The following MAP4K5 variants were observed in gnomAD, a reference collection of about 807,000 sequenced individuals.
MAP4K5 encodes the protein MAPK/ERK kinase kinase kinase 5.
Under a neutral mutation model 135.6 loss-of-function variants are expected in MAP4K5, and 82 were observed. That is an observed-to-expected ratio of 0.60 (90% CI 0.51 to 0.73). The LOEUF is 0.73. Ranked by LOEUF, MAP4K5 falls within the 30% of genes least tolerant of loss-of-function variation. The pLI, the probability that MAP4K5 is intolerant of heterozygous loss-of-function variation, is 0.00. For missense variants in MAP4K5, 907 were observed against 1,010.9 expected, an observed-to-expected ratio of 0.90 and a Z score of 1.39; for synonymous variants, 347 against 335.0, an observed-to-expected ratio of 1.04 and a Z score of -0.39.
chr14:50,554,996 T>G (rs1430112387), intron 1 of MAP4K5, among the ~76,000 whole-genome samples: 2 of 152,226 alleles, frequency 1.3e-5, no homozygotes, highest in Non-Finnish European at 2.9e-5. Context: ...TCGTTTAGTA[T>G]TAGACCCCAA....
intron 6 of MAP4K5, among the ~76,000 whole-genome samples, chr14:50,476,650 C>T (rs573768910): frequency 3.9e-4 from 59 of 152,168 alleles, no homozygotes; most frequent in African/African-American, 1.2e-3. Flanking sequence ...TTAGTAGAGA[C>T]GGGGTTTCAC....
chr14:50,429,612 T>C (rs1461836640), intron 28 of MAP4K5, among the ~76,000 whole-genome samples: 1 of 152,194 alleles, frequency 6.6e-6, no homozygotes, highest in East Asian at 1.9e-4. Flanking sequence ...CTGCATTTTA[T>C]ATAGCCAATG....
rs368003821 is a variant in MAP4K5, at chr14:50,523,453, G to A, written c.108+8489C>T. On this transcript the variant is annotated intron_variant, in intron 2 of 32. Transcript: ENST00000682126. ...GAATTCAGCTACAGACACAGGTTCCGGTGACTCAATAAGAAAGAGATTTAA... is the reference window on the plus strand; with the variant it reads ...GAATTCAGCTACAGACACAGGTTCCAGTGACTCAATAAGAAAGAGATTTAA... Among the ~76,000 whole-genome samples, 3 of 152,216 alleles carry A rather than the reference G, an allele frequency of 2.0e-5. No homozygotes were observed. In the East Asian group the frequency reaches 5.8e-4, roughly 29 times the overall value.
In MAP4K5 at chr14:50,425,984, A is replaced by G. The variant is rs1595416015; in HGVS notation, c.2327-7T>C. Reference sequence around the variant, plus strand: ...ACACTGTCTTGAAGGCATACTAAAAATGATAAGGGAGAAGTGAAACTAATA... The same window carrying G: ...ACACTGTCTTGAAGGCATACTAAAAGTGATAAGGGAGAAGTGAAACTAATA... On this transcript the variant is annotated splice_region_variant and splice_polypyrimidine_tract_variant and intron_variant, in intron 30 of 32. Coordinates refer to ENST00000682126, the MANE Select transcript of MAP4K5 (RefSeq NM_006575.6). 1.3e-6 allele frequency: 2 copies of G among 1,576,798 alleles called. No homozygotes were observed. The highest frequency in any genetic ancestry group is 4.5e-5 in the East Asian group (2 of 44,702).
intron 13 of MAP4K5, among the ~76,000 whole-genome samples, chr14:50,457,712 T>C (rs76948688): frequency 9.9e-5 from 15 of 152,256 alleles, no homozygotes; most frequent in Non-Finnish European, 2.2e-4. Flanking sequence ...TTCCTCTATA[T>C]TACAAATCTC....
intron 9 of MAP4K5, among the ~76,000 whole-genome samples, chr14:50,473,307 T>G (rs1018677797): frequency 6.6e-6 from 1 of 152,154 alleles, no homozygotes. Flanking sequence ...ACCTTTCTTT[T>G]TTATGGAAAA....
At chr14:50,470,887 T>G (rs1392300385) in intron 9 of MAP4K5, among the ~76,000 whole-genome samples, 2 of 152,202 alleles carry the variant, frequency 1.3e-5, no homozygotes, top group Non-Finnish European at 2.9e-5. Context: ...TGTATGCCTC[T>G]CTAATAAATT....
Position 50,429,235 on chromosome 14 carries a change from A to G in MAP4K5, c.2190T>C (p.His730=), listed in dbSNP as rs2035917907. ...GAGSQQLDSI[H]VTQLERDTVL... ...CGGTATCTCTCTCCAACTGTGTTAC[A>G]TGAATGGAATCTAACTGCTGGCTGC... The change falls in exon 29 of 33, where the codon CAT becomes CAC. Residue 730 remains histidine, a synonymous_variant. Coordinates refer to ENST00000682126, the MANE Select transcript of MAP4K5 (RefSeq NM_006575.6). 11 of 1,564,306 alleles carry G rather than the reference A, an allele frequency of 7.0e-6. No individual in the cohort carries two copies. Among genetic ancestry groups the G allele is most frequent in the African/African-American group, 1.4e-5 (1 of 73,744 alleles).
In MAP4K5 at chr14:50,437,982, T is replaced by C; in HGVS notation, c.1735A>G (p.Asn579Asp). The C allele has an allele frequency of 6.2e-7, 1 of 1,609,694 alleles. No individual in the cohort carries two copies. The highest frequency in any genetic ancestry group is 8.5e-7 in the Non-Finnish European group (1 of 1,176,320). The change falls in exon 25 of 33, where the codon AAT (asparagine) becomes GAT (aspartate). Residue 579 changes from asparagine to aspartate, a missense_variant. Asn to Asp is a conservative substitution (Grantham distance 23). Transcript: ENST00000682126. ...GCATGTTCAAACAAAGCTATAAGAT[T>C]GTGAGAGTAGAGCTGAAAGGTTTTT... ...EGKTFQLYSHNLIALFEHAKK... is the reference protein window; with the variant it reads ...EGKTFQLYSHDLIALFEHAKK...
chr14:50,475,231 T>C, intron 8 of MAP4K5, 82 bp from the exon 9 acceptor site: 1 of 960,988 alleles, frequency 1.0e-6, no homozygotes. Flanking sequence ...GGCATGGCAG[T>C]ATTAATAATT....
intron 5 of MAP4K5, 76 bp downstream of exon 5, chr14:50,485,502 G>A (rs1219680294): frequency 5.6e-6 from 5 of 900,824 alleles, no homozygotes; most frequent in South Asian, 3.1e-5. Context: ...GTTAATTTCC[G>A]TGGTTAACTG....
At chr14:50,492,319 TGCAGAGGCTCAC>T (rs1352667642) in intron 3 of MAP4K5, among the ~76,000 whole-genome samples, 1 of 152,048 alleles carries the variant, frequency 6.6e-6, no homozygotes, top group Non-Finnish European at 1.5e-5. Flanking sequence ...TTTGGCTGGG[TGCAGAGGCTCAC>T]GCATAATCCC....
Position 50,509,089 on chromosome 14 carries a change from A to G in MAP4K5, c.109-4232T>C, listed in dbSNP as rs982278008. On this transcript the variant is annotated intron_variant, in intron 2 of 32. Transcript: ENST00000682126. ...GAGTTCATGTCCTTTGCAGGGACACAGATGAAGCTGGAAACCATCATTCTG... is the reference window on the plus strand; with the variant it reads ...GAGTTCATGTCCTTTGCAGGGACACGGATGAAGCTGGAAACCATCATTCTG... Among the ~76,000 whole-genome samples the G allele has an allele frequency of 1.5e-4, 23 of 152,128 alleles. No individual in the cohort carries two copies. In the East Asian group the frequency reaches 3.3e-3, roughly 22 times the overall value.
At position 50,494,166 on chromosome 14, in the gene MAP4K5, TTTTA is replaced by T. The variant is rs542721043; in HGVS notation, c.167-7976_167-7973del. Among the ~76,000 whole-genome samples the T allele has an allele frequency of 6.5e-4, 99 of 151,622 alleles. No individual in the cohort carries two copies. The Middle Eastern group carries it at 0.014, about 21-fold the overall frequency. On this transcript the variant is annotated intron_variant, in intron 3 of 32. Coordinates refer to ENST00000682126, the MANE Select transcript of MAP4K5 (RefSeq NM_006575.6). ...GAAAAATTTAATATTATTATTATTA[TTTTA>T]TTTATTTATTTTTTTTGAGACAGAG...
chr14:50,420,886 G>GA lies in MAP4K5; in HGVS notation c.2454-781dup, dbSNP rs538774913. On this transcript the variant is annotated intron_variant, in intron 32 of 32. Coordinates refer to ENST00000682126, the MANE Select transcript of MAP4K5 (RefSeq NM_006575.6). Reference sequence around the variant, plus strand: ...AAGAGTTCAATCAAAGGACTGATAGGAAAAAAAAAAAGAAGTACTATTCCA... The same window carrying GA: ...AAGAGTTCAATCAAAGGACTGATAGGAAAAAAAAAAAAGAAGTACTATTCCA... Among the ~76,000 whole-genome samples, 563 of 144,404 alleles carry GA rather than the reference G, an allele frequency of 3.9e-3. 2 individuals carry two copies. The highest frequency in any genetic ancestry group is 0.022 in the South Asian group (103 of 4,582). 94.7% of individuals were successfully genotyped at this position (144,404 alleles called of 152,430 possible).
chr14:50,475,119 G>A lies in MAP4K5; in HGVS notation c.500C>T (p.Ala167Val). 10 of 1,613,866 alleles carry A rather than the reference G, an allele frequency of 6.2e-6. No individual in the cohort carries two copies. The highest frequency in any genetic ancestry group is 8.5e-6 in the Non-Finnish European group (10 of 1,179,828). ...ADFGVAAKIT[A>V]TIAKRKSFIG... ...GAAAGATTTTCGTTTTGCAATGGTA[G>A]CTGTTATTTTTGCAGCCACACCAAA... Residue 167 changes from alanine to valine, a missense_variant, in exon 9 of 33, where the codon GCT (alanine) becomes GTT (valine). Around this residue, in one of 3 missense-constraint regions of MAP4K5, gnomAD observed 21 missense variants for 44.2 expected, o/e 0.47. Transcript: ENST00000682126.
chr14:50,446,128 C>A lies in MAP4K5; in HGVS notation c.1143-7G>T, dbSNP rs2036342224. On this transcript the variant is annotated splice_region_variant and splice_polypyrimidine_tract_variant and intron_variant, in intron 16 of 32. Coordinates refer to ENST00000682126, the MANE Select transcript of MAP4K5 (RefSeq NM_006575.6). ...TGCACGTTTTGAGGTTGATCTAATA[C>A]AAAGAAGAAATGCAATTTAGATGAT... 1 of 1,559,768 alleles carries A rather than the reference C, an allele frequency of 6.4e-7. No individual in the cohort carries two copies.
chr14:50,439,252 C>G (rs1347995414), intron 23 of MAP4K5, among the ~76,000 whole-genome samples: 2 of 147,808 alleles, frequency 1.4e-5, no homozygotes, highest in Non-Finnish European at 1.5e-5. Flanking sequence ...ACTCTACTAC[C>G]AAAATGAAAG....
At chr14:50,503,199 A>G (rs1238409223) in intron 3 of MAP4K5, among the ~76,000 whole-genome samples, 2 of 152,116 alleles carry the variant, frequency 1.3e-5, no homozygotes, top group African/African-American at 4.8e-5. Flanking sequence ...CTAAAAATCA[A>G]TAATAAAATA....
Sources: allele counts gnomAD v4.1 joint callset (sites outside exome capture counted in the v4.1 genomes callset), GRCh38; gene constraint gnomAD v4.1.1; regional missense constraint gnomAD v4.1.1; transcripts MANE v1.5; gene names NCBI Gene and HGNC (gene_info 2026-07-23, HGNC 2026-07-21).